Variants in KCNH7 observed in about 807,000 individuals in gnomAD.
The protein encoded by KCNH7 is voltage-gated inwardly rectifying potassium channel KCNH7.
KCNH7 carries 49 observed loss-of-function variants against 120.8 expected under a neutral mutation model. The ratio of observed to expected loss-of-function variants is 0.41; its 90% CI spans 0.32 to 0.51. The LOEUF is 0.51. KCNH7 is among the 20% of genes least tolerant of loss of function. KCNH7 has a pLI of 0.38. For missense variants in KCNH7, 1,097 were observed against 1,446.6 expected, an observed-to-expected ratio of 0.76 and a Z score of 3.92; for synonymous variants, 547 against 516.1, an observed-to-expected ratio of 1.06 and a Z score of -0.81.
intron 2 of KCNH7, among the ~76,000 whole-genome samples, chr2:162,656,836 A>C (rs940663363): frequency 6.6e-6 from 1 of 152,220 alleles, no homozygotes; most frequent in Non-Finnish European, 1.5e-5. Context: ...AGTTTAAAAG[A>C]AATACTGATT....
At chr2:162,645,487 A>C (rs566673187) in intron 2 of KCNH7, among the ~76,000 whole-genome samples, 2 of 152,238 alleles carry the variant, frequency 1.3e-5, no homozygotes, top group African/African-American at 2.4e-5. Flanking sequence ...TCACCATGGA[A>C]CAGAGGTACC....
intron 6 of KCNH7, among the ~76,000 whole-genome samples, chr2:162,446,989 G>GA (rs1395455791): frequency 1.3e-5 from 2 of 151,888 alleles, no homozygotes; most frequent in Admixed American, 1.3e-4. Flanking sequence ...AACATTAGGG[G>GA]AAAAAAGGCA....
At chr2:162,791,083 C>T (rs902828086) in intron 2 of KCNH7, among the ~76,000 whole-genome samples, 1 of 152,054 alleles carries the variant, frequency 6.6e-6, no homozygotes, top group Non-Finnish European at 1.5e-5. Context: ...AAAGACTATA[C>T]CAACAAATCT....
At chr2:162,708,004 C>T (rs1160204067) in intron 2 of KCNH7, among the ~76,000 whole-genome samples, 2 of 151,928 alleles carry the variant, frequency 1.3e-5, no homozygotes, top group Non-Finnish European at 2.9e-5. Flanking sequence ...CATCTACTTC[C>T]CATTTCTCTT....
At chr2:162,530,751 A>G (rs2105813246) in intron 3 of KCNH7, among the ~76,000 whole-genome samples, 1 of 152,072 alleles carries the variant, frequency 6.6e-6, no homozygotes, top group South Asian at 2.1e-4. Context: ...CTATCACTGG[A>G]ACAACAATGT....
chr2:162,592,104 A>G (rs550288014), intron 2 of KCNH7, among the ~76,000 whole-genome samples: 114 of 152,230 alleles, frequency 7.5e-4, no homozygotes, highest in African/African-American at 2.7e-3. Flanking sequence ...ACAAAAATAT[A>G]GGCAAAGAAA....
chr2:162,607,971 T>C (rs1237964688), intron 2 of KCNH7, among the ~76,000 whole-genome samples: 4 of 152,210 alleles, frequency 2.6e-5, no homozygotes, highest in African/African-American at 9.6e-5. Context: ...GTTTTCTTAA[T>C]TTACAAAATC....
intron 2 of KCNH7, among the ~76,000 whole-genome samples, chr2:162,552,960 G>A (rs1692728344): frequency 6.6e-6 from 1 of 152,264 alleles, no homozygotes; most frequent in Admixed American, 6.5e-5. Context: ...CACCCAGCCC[G>A]ACTTCTGACC....
intron 6 of KCNH7, among the ~76,000 whole-genome samples, chr2:162,494,578 T>A (rs1464238299): frequency 6.6e-6 from 1 of 152,140 alleles, no homozygotes; most frequent in African/African-American, 2.4e-5. Context: ...ATGCTATCAA[T>A]CATAATAAAG....
Position 162,732,614 on chromosome 2 carries a change from C to T in KCNH7, c.307+103923G>A, listed in dbSNP as rs556118127. Reference sequence around the variant, plus strand: ...TCTGCATTTTCAATTATAAGGTGCACTCACATCAGCAAGTCACTGCTTCTT... The same window carrying T: ...TCTGCATTTTCAATTATAAGGTGCATTCACATCAGCAAGTCACTGCTTCTT... On this transcript the variant is annotated intron_variant, in intron 2 of 15. Transcript: ENST00000332142. Among the ~76,000 whole-genome samples, 120 of 152,230 alleles carry T rather than the reference C, an allele frequency of 7.9e-4. 1 individual carries two copies. Among genetic ancestry groups the T allele is most frequent in the African/African-American group, 2.4e-3 (101 of 41,564 alleles).
chr2:162,468,793 C>T (rs559358574), intron 6 of KCNH7, among the ~76,000 whole-genome samples: 5 of 151,826 alleles, frequency 3.3e-5, no homozygotes, highest in East Asian at 1.9e-4. Context: ...ATGATCCGCC[C>T]GCCTAGGCCT....
chr2:162,774,357 A>T (rs1301980219), intron 2 of KCNH7, among the ~76,000 whole-genome samples: 1 of 152,190 alleles, frequency 6.6e-6, no homozygotes, highest in East Asian at 1.9e-4. Context: ...GAGATCTTAT[A>T]TCCTCAACAG....
intron 2 of KCNH7, among the ~76,000 whole-genome samples, chr2:162,555,135 G>A (rs923278633): frequency 6.6e-6 from 1 of 152,198 alleles, no homozygotes; most frequent in Non-Finnish European, 1.5e-5. Flanking sequence ...GAAAGGTGGT[G>A]GCTAGCACAC....
chr2:162,431,650 T>C (rs565503960), intron 8 of KCNH7, among the ~76,000 whole-genome samples: 1 of 152,136 alleles, frequency 6.6e-6, no homozygotes, highest in South Asian at 2.1e-4. Flanking sequence ...CCAAGTCTTA[T>C]ATTCAAATAA....
At chr2:162,722,453 T>C (rs1052329160) in intron 2 of KCNH7, among the ~76,000 whole-genome samples, 3 of 152,028 alleles carry the variant, frequency 2.0e-5, no homozygotes, top group Admixed American at 2.0e-4. Context: ...GAAGCAACTT[T>C]TGTTGAGAAA....
At chr2:162,472,473 C>G (rs916067999) in intron 6 of KCNH7, among the ~76,000 whole-genome samples, 5 of 152,116 alleles carry the variant, frequency 3.3e-5, no homozygotes, top group African/African-American at 1.2e-4. Context: ...ATGCAGCCAG[C>G]AGACACATGA....
At chr2:162,594,936 T>A (rs1694327417) in intron 2 of KCNH7, among the ~76,000 whole-genome samples, 1 of 151,966 alleles carries the variant, frequency 6.6e-6, no homozygotes, top group Non-Finnish European at 1.5e-5. Flanking sequence ...AGTAAAAAGA[T>A]CATTCACCAT....
intron 3 of KCNH7, among the ~76,000 whole-genome samples, chr2:162,523,320 T>G (rs753108073): frequency 3.3e-5 from 5 of 151,838 alleles, no homozygotes; most frequent in Non-Finnish European, 7.4e-5. Flanking sequence ...AACATTGACC[T>G]CCCCTAAGAT....
chr2:162,691,133 G>A (rs1261486066), intron 2 of KCNH7, among the ~76,000 whole-genome samples: 1 of 152,098 alleles, frequency 6.6e-6, no homozygotes, highest in Admixed American at 6.6e-5. Flanking sequence ...AACAGGTATA[G>A]CTCTAAATAT....
Sources: allele counts gnomAD v4.1 joint callset (sites outside exome capture counted in the v4.1 genomes callset), GRCh38; gene constraint gnomAD v4.1.1; transcripts MANE v1.5; gene names NCBI Gene and HGNC (gene_info 2026-07-23, HGNC 2026-07-21).